Variants in FHIT observed in about 807,000 individuals in gnomAD.
The protein encoded by FHIT is bis(5'-adenosyl)-triphosphatase.
Under a neutral mutation model 17.9 loss-of-function variants are expected in FHIT, and 19 were observed. That is an observed-to-expected ratio of 1.06 (90% CI 0.74 to 1.56). The LOEUF is 1.56. FHIT is among the 40% of genes most tolerant of loss of function. The probability of loss-of-function intolerance (pLI) is 0.00; values close to 1 mark genes in which losing one functional copy is unlikely to be tolerated. For synonymous variants in FHIT, 81 were observed against 69.7 expected, an observed-to-expected ratio of 1.16 and a Z score of -0.81; for missense variants, 248 against 189.2, an observed-to-expected ratio of 1.31 and a Z score of -1.82.
rs78658818 is a variant in FHIT, at chr3:60,830,830, A to T, written c.-110-8819T>A. Among the ~76,000 whole-genome samples the T allele has an allele frequency of 3.3e-5, 5 of 152,326 alleles. No homozygotes were observed. In the East Asian group the frequency reaches 7.7e-4, roughly 23 times the overall value. ...GCAAAGCAATCCAATTCACACACAC[A>T]CACACAAAACAAATGTTGCATTTAT... is the stretch of plus-strand genomic sequence containing the variant. On this transcript the variant is annotated intron_variant, in intron 3 of 9. Transcript: ENST00000492590.
chr3:60,075,137 G>A (rs189623444), intron 5 of FHIT, among the ~76,000 whole-genome samples: 1 of 152,058 alleles, frequency 6.6e-6, no homozygotes, highest in African/African-American at 2.4e-5. Flanking sequence ...CAACATATAT[G>A]CGTCACACAC....
chr3:60,731,393 C>T (rs2042026364), intron 4 of FHIT, among the ~76,000 whole-genome samples: 1 of 152,168 alleles, frequency 6.6e-6, no homozygotes, highest in Admixed American at 6.5e-5. Context: ...AAGTAAAGTA[C>T]ACTTGGAGGA....
At chr3:59,937,161 A>C (rs1706283187) in intron 7 of FHIT, among the ~76,000 whole-genome samples, 1 of 152,210 alleles carries the variant, frequency 6.6e-6, no homozygotes, top group Admixed American at 6.5e-5. Flanking sequence ...TATCACTTTA[A>C]AAGGTTAATC....
intron 2 of FHIT, among the ~76,000 whole-genome samples, chr3:61,061,370 G>A (rs1021031017): frequency 1.3e-5 from 2 of 151,952 alleles, no homozygotes; most frequent in Non-Finnish European, 2.9e-5. Context: ...CCAGTCACTT[G>A]TCTCCTCTCA....
At chr3:60,409,840 T>A (rs1243773550) in intron 5 of FHIT, among the ~76,000 whole-genome samples, 1 of 152,166 alleles carries the variant, frequency 6.6e-6, no homozygotes, top group Non-Finnish European at 1.5e-5. Context: ...TTCTTTAGAT[T>A]TTCTCCTGGG....
At chr3:60,245,000 T>G (rs1349458162) in intron 5 of FHIT, among the ~76,000 whole-genome samples, 1 of 152,036 alleles carries the variant, frequency 6.6e-6, no homozygotes, top group Non-Finnish European at 1.5e-5. Flanking sequence ...GACTATTAAG[T>G]AATTCAAAAT....
At chr3:60,263,665 G>T (rs1431256565) in intron 5 of FHIT, among the ~76,000 whole-genome samples, 1 of 151,882 alleles carries the variant, frequency 6.6e-6, no homozygotes. Flanking sequence ...TGAGGCCAGG[G>T]GTGGTAGAGA....
At chr3:60,697,588 A>T (rs567000706) in intron 4 of FHIT, among the ~76,000 whole-genome samples, 31 of 152,306 alleles carry the variant, frequency 2.0e-4, no homozygotes, top group African/African-American at 7.5e-4. Flanking sequence ...ATTGTAAACC[A>T]ATCAGAATAG....
chr3:60,637,677 G>C (rs532403921), intron 4 of FHIT, among the ~76,000 whole-genome samples: 13 of 152,262 alleles, frequency 8.5e-5, no homozygotes, highest in African/African-American at 2.9e-4. Context: ...GAACACTGAA[G>C]TGCAGAGAAG....
intron 5 of FHIT, among the ~76,000 whole-genome samples, chr3:60,104,905 A>G (rs914620144): frequency 5.9e-5 from 9 of 152,106 alleles, no homozygotes; most frequent in African/African-American, 2.2e-4. Flanking sequence ...TCCACCAGCT[A>G]AATTCAAGAT....
intron 5 of FHIT, among the ~76,000 whole-genome samples, chr3:60,504,187 G>C (rs2034632751): frequency 6.6e-6 from 1 of 152,316 alleles, no homozygotes; most frequent in South Asian, 2.1e-4. Context: ...TGTAATCCCA[G>C]CACTTTGGGC....
chr3:59,949,791 A>G (rs568718951), intron 7 of FHIT, among the ~76,000 whole-genome samples: 2 of 152,374 alleles, frequency 1.3e-5, no homozygotes, highest in Admixed American at 1.3e-4. Context: ...TACACAGGCA[A>G]TTGTTTAGCA....
intron 5 of FHIT, among the ~76,000 whole-genome samples, chr3:60,165,799 G>A (rs765765680): frequency 4.6e-5 from 7 of 152,108 alleles, no homozygotes; most frequent in Non-Finnish European, 8.8e-5. Context: ...ATACAGAAGA[G>A]TATAACGGGA....
At chr3:60,482,461 C>T (rs746334027) in intron 5 of FHIT, among the ~76,000 whole-genome samples, 2 of 152,062 alleles carry the variant, frequency 1.3e-5, no homozygotes, top group Non-Finnish European at 1.5e-5. Context: ...TGCAAAAGAA[C>T]TGAAATCATA....
intron 3 of FHIT, among the ~76,000 whole-genome samples, chr3:61,009,421 A>T (rs889411091): frequency 6.6e-5 from 10 of 152,210 alleles, no homozygotes; most frequent in East Asian, 1.9e-4. Flanking sequence ...GGAGTCTTCA[A>T]ATTTGACCAA....
At chr3:61,116,311 C>T (rs2036297073) in intron 2 of FHIT, among the ~76,000 whole-genome samples, 1 of 152,108 alleles carries the variant, frequency 6.6e-6, no homozygotes, top group Non-Finnish European at 1.5e-5. Context: ...TACGTACACA[C>T]ACTTTTAATT....
At chr3:60,437,697 T>C (rs1576652131) in intron 5 of FHIT, among the ~76,000 whole-genome samples, 1 of 152,128 alleles carries the variant, frequency 6.6e-6, no homozygotes, top group South Asian at 2.1e-4. Flanking sequence ...AGATGTCATA[T>C]GAGGGTATGT....
chr3:60,216,243 TGAA>T (rs1373846740), intron 5 of FHIT, among the ~76,000 whole-genome samples: 1 of 152,166 alleles, frequency 6.6e-6, no homozygotes, highest in African/African-American at 2.4e-5. Flanking sequence ...TGTGACAATT[TGAA>T]GAAGTTTGCT....
At chr3:60,722,022 T>C (rs1405719625) in intron 4 of FHIT, among the ~76,000 whole-genome samples, 1 of 152,022 alleles carries the variant, frequency 6.6e-6, no homozygotes, top group Non-Finnish European at 1.5e-5. Context: ...AAAGATATTA[T>C]GAAAAGAGAA....
Sources: allele counts gnomAD v4.1 joint callset (sites outside exome capture counted in the v4.1 genomes callset), GRCh38; gene constraint gnomAD v4.1.1; transcripts MANE v1.5; gene names NCBI Gene and HGNC (gene_info 2026-07-23, HGNC 2026-07-21).